The following SPMIP11 variants were observed in gnomAD, a reference collection of about 807,000 sequenced individuals.
The protein encoded by SPMIP11 is long intergenic non-protein coding RNA 935.
At chr12:48,740,718 C>G in the SPMIP11 span, among the ~76,000 whole-genome samples, 1 of 151,054 alleles carries the variant, frequency 6.6e-6, no homozygotes, top group Non-Finnish European at 1.5e-5. Context: ...GAAACCCAGT[C>G]TCTGCTAAAA....
the SPMIP11 span, chr12:48,736,080 A>G: frequency 4.4e-6 from 2 of 451,122 alleles, no homozygotes; most frequent in East Asian, 7.2e-5. Context: ...CATTTTTCCT[A>G]TCCCTAGAAA....
the SPMIP11 span, among the ~76,000 whole-genome samples, chr12:48,743,597 A>G: frequency 4.6e-5 from 7 of 152,070 alleles, no homozygotes; most frequent in African/African-American, 1.7e-4. Flanking sequence ...GCCTGAGCTC[A>G]GGAGTTCAAG....
At chr12:48,747,788 A>T in the SPMIP11 span, among the ~76,000 whole-genome samples, 1 of 152,162 alleles carries the variant, frequency 6.6e-6, no homozygotes, top group African/African-American at 2.4e-5. Context: ...GAATTGCCCC[A>T]GAGTTGAAGT....
chr12:48,754,758 G>T, the SPMIP11 span, among the ~76,000 whole-genome samples: 3 of 146,868 alleles, frequency 2.0e-5, no homozygotes, highest in South Asian at 6.5e-4. Flanking sequence ...CCTGTTTTTC[G>T]TTTTTTGAGG....
chr12:48,771,055 G>C, the SPMIP11 span: 1 of 1,367,236 alleles, frequency 7.3e-7, no homozygotes, highest in Non-Finnish European at 1.0e-6. The surrounding 1 kb of genome is among the most constrained non-coding windows in gnomAD (Gnocchi z 4.3). Context: ...CCACGCCTTG[G>C]CTGCCTTCCC....
At chr12:48,729,624 C>T in the SPMIP11 span, among the ~76,000 whole-genome samples, 3,238 of 150,568 alleles carry the variant, frequency 0.022, 62 homozygotes, top group Middle Eastern at 0.034. Context: ...GCAGGAGAAT[C>T]GCTTGAACCC....
At chr12:48,771,252 C>G in the SPMIP11 span, 1 of 514,292 alleles carries the variant, frequency 1.9e-6, no homozygotes, top group Non-Finnish European at 3.5e-6. This position sits in a 1 kb window ranked among gnomAD's most constrained non-coding sequence, Gnocchi z 4.3. Context: ...CAATCCTTAC[C>G]TTTTGGGATA....
the SPMIP11 span, among the ~76,000 whole-genome samples, chr12:48,752,967 A>C: frequency 0.65 from 99,271 of 151,994 alleles, 32,624 homozygotes; most frequent in East Asian, 0.74. Flanking sequence ...CCACTGTGCC[A>C]GGCCATCCTA....
At chr12:48,741,742 C>A in the SPMIP11 span, among the ~76,000 whole-genome samples, 2 of 151,656 alleles carry the variant, frequency 1.3e-5, no homozygotes, top group African/African-American at 4.8e-5. Flanking sequence ...CAGACTCAAG[C>A]AATTCTCTAA....
At chr12:48,751,529 C>T in the SPMIP11 span, among the ~76,000 whole-genome samples, 2 of 152,000 alleles carry the variant, frequency 1.3e-5, no homozygotes, top group African/African-American at 4.8e-5. Context: ...TCACTTGAGC[C>T]CAGGAGGTTG....
chr12:48,769,958 T>C, the SPMIP11 span, among the ~76,000 whole-genome samples: 1 of 152,000 alleles, frequency 6.6e-6, no homozygotes, highest in Non-Finnish European at 1.5e-5. Context: ...AGACGGAATT[T>C]CACCGTGTTA....
chr12:48,743,555 C>T, the SPMIP11 span, among the ~76,000 whole-genome samples: 1 of 152,262 alleles, frequency 6.6e-6, no homozygotes, highest in East Asian at 1.9e-4. Context: ...ACCTATAATC[C>T]TGGCACTTTG....
chr12:48,767,051 G>T, the SPMIP11 span: 1 of 152,690 alleles, frequency 6.5e-6, no homozygotes. Context: ...TGAAGGCTGG[G>T]GAAAGCCAAG....
At chr12:48,748,846 T>G in the SPMIP11 span, among the ~76,000 whole-genome samples, 1 of 152,220 alleles carries the variant, frequency 6.6e-6, no homozygotes, top group African/African-American at 2.4e-5. Flanking sequence ...CATGAATGAA[T>G]GGCCCACGCA....
chr12:48,735,740 C>A, the SPMIP11 span, among the ~76,000 whole-genome samples: 1 of 151,966 alleles, frequency 6.6e-6, no homozygotes, highest in Admixed American at 6.6e-5. Flanking sequence ...AAAAATTAGC[C>A]AGGCGTGGTG....
the SPMIP11 span, among the ~76,000 whole-genome samples, chr12:48,757,671 AAAAT>A: frequency 6.7e-6 from 1 of 149,300 alleles, no homozygotes; most frequent in Non-Finnish European, 1.5e-5. Context: ...AAAATAAAAT[AAAAT>A]AAAATAAAAA....
the SPMIP11 span, among the ~76,000 whole-genome samples, chr12:48,748,110 T>C: frequency 6.6e-6 from 1 of 152,194 alleles, no homozygotes; most frequent in Non-Finnish European, 1.5e-5. Context: ...GCTAACTTCC[T>C]TGCTCCTTAT....
chr12:48,733,381 G>A, the SPMIP11 span, among the ~76,000 whole-genome samples: 477 of 152,068 alleles, frequency 3.1e-3, 4 homozygotes, highest in African/African-American at 0.011. Flanking sequence ...AGCTCACATA[G>A]TGAACTTTAA....
chr12:48,747,596 T>C, the SPMIP11 span, among the ~76,000 whole-genome samples: 1,717 of 152,260 alleles, frequency 0.011, 28 homozygotes, highest in African/African-American at 0.04. Flanking sequence ...AAAGGAACCA[T>C]AGAATAGTAT....
Sources: gnomAD v4.1 joint callset for allele counts (sites outside exome capture counted in the v4.1 genomes callset) on GRCh38, gnomAD v4.1.1 for gene constraint, Gnocchi (gnomAD v3.1) non-coding constraint, MANE v1.5 for transcripts, NCBI Gene and HGNC (gene_info 2026-07-23, HGNC 2026-07-21) for gene names.